MBD1: variants seen among roughly 807,000 people sequenced by gnomAD.
MBD1 encodes the protein methyl-CpG binding domain protein 1, also known as methyl-CpG-binding domain protein 1.
A neutral mutation model predicts 82.6 loss-of-function variants in MBD1; 25 were observed. The ratio of observed to expected loss-of-function variants is 0.30; its 90% CI spans 0.22 to 0.42. MBD1 has a LOEUF of 0.42. Among genes scored for constraint, MBD1 ranks in the 10% least tolerant of loss-of-function variants. MBD1 has a pLI of 1.00. For synonymous variants in MBD1, 301 were observed against 303.7 expected (o/e 0.99, Z 0.09); for missense variants, 627 against 819.6 (o/e 0.76, Z 2.87).
At position 50,275,222 on chromosome 18, in the gene MBD1, T is replaced by A; in HGVS notation, c.816A>T (p.Gly272=). The change falls in exon 9 of 17, where the codon GGA becomes GGT. Residue 272 remains glycine (G), a synonymous_variant. Coordinates refer to ENST00000269468, the MANE Select transcript of MBD1 (RefSeq NM_015846.4). ...TGGCAGCCATCTTGGAGTCACAGCC[T>A]CCCTTGCGGCGGGCATGTTTACCCT... is the stretch of plus-strand genomic sequence containing the variant. The part of the protein sequence containing the change: ...CLRGKHARRK[G]GCDSKMAARR... 6.2e-7 allele frequency: 1 copy of A among 1,614,126 alleles called. No homozygotes were observed. The highest frequency in any genetic ancestry group is 2.2e-5 in the East Asian group (1 of 44,866).
Position 50,275,234 on chromosome 18 carries a change from G to C in MBD1, c.804C>G (p.Ala268=), listed in dbSNP as rs747281494. 6.2e-7 allele frequency: 1 copy of C among 1,614,142 alleles called. No individual in the cohort carries two copies. Among genetic ancestry groups the C allele is most frequent in the Non-Finnish European group, 8.5e-7 (1 of 1,180,002 alleles). The change falls in exon 9 of 17, where the codon GCC becomes GCG. Residue 268 remains alanine (A), a synonymous_variant. Coordinates refer to ENST00000269468, the MANE Select transcript of MBD1 (RefSeq NM_015846.4). The stretch of plus-strand genomic sequence containing the variant: ...TGGAGTCACAGCCTCCCTTGCGGCG[G>C]GCATGTTTACCCTGGGAAAGATCAG... ...VQRRCLRGKH[A]RRKGGCDSKM... is the part of the protein sequence containing the mutation.
At chr18:50,281,092 C>A (rs1334955862) in intron 1 of MBD1, 3 of 1,444,428 alleles carry the variant, frequency 2.1e-6, no homozygotes, top group Non-Finnish European at 2.8e-6. Context: ...TCAGATGCCC[C>A]GATGTCTCCC....
rs1271572155 is a variant in MBD1 at position 50,274,188 on chromosome 18, T to G, written c.1144A>C (p.Met382Leu). Residue 382 changes from methionine (M) to leucine (L), a missense_variant and splice_region_variant, in exon 11 of 17, where the codon ATG (methionine) becomes CTG (leucine). By Grantham distance (15) the Met-to-Leu change is conservative. This residue lies in a region of MBD1 where 12 missense variants were observed against 39.4 expected (regional missense o/e 0.30). Coordinates refer to ENST00000269468, the MANE Select transcript of MBD1 (RefSeq NM_015846.4). ...CRWRQCLQFAMKRLLPSVWSE... is the reference protein window; with the variant it reads ...CRWRQCLQFALKRLLPSVWSE... ...CTGACCCTTCCTGCCCCACCCACCA[T>G]GGCAAACTGCAGGCATTGGCGCCAA... 3.1e-6 allele frequency: 5 copies of G among 1,613,962 alleles called. No homozygotes were observed. Among genetic ancestry groups the G allele is most frequent in the Non-Finnish European group, 4.2e-6 (5 of 1,180,016 alleles).
At chr18:50,270,591 A>G in intron 16 of MBD1, 1 of 334,318 alleles carries the variant, frequency 3.0e-6, no homozygotes, top group South Asian at 2.4e-5. Context: ...CAGGGTAACA[A>G]GCAAAATGGA....
At position 50,268,986 on chromosome 18, in the gene MBD1, T is replaced by C; in HGVS notation, c.*865A>G. The C allele has an allele frequency of 1.0e-6, 1 of 983,622 alleles. No homozygotes were observed. Among genetic ancestry groups the C allele is most frequent in the Non-Finnish European group, 1.2e-6 (1 of 828,218 alleles). 60.9% of individuals were successfully genotyped at this position (983,622 alleles called of 1,614,324 possible). A position where few individuals can be genotyped will look rare whatever the true frequency, so the allele number is the denominator to read the frequency against. ...TCCCAACAATTTTCTGAATTCTATA[T>C]ATTCAGCATTAAATTCCATGATAAA... On this transcript the variant is annotated 3_prime_UTR_variant, in exon 17 of 17. Transcript: ENST00000269468.
Position 50,269,695 on chromosome 18 carries a change from TGAGA to T in MBD1, c.*152_*155del. 1 of 779,316 alleles carries T rather than the reference TGAGA, an allele frequency of 1.3e-6. No homozygotes were observed. The highest frequency in any genetic ancestry group is 2.4e-6 in the Non-Finnish European group (1 of 417,328). 48.3% of individuals were successfully genotyped at this position (779,316 alleles called of 1,614,324 possible). On this transcript the variant is annotated 3_prime_UTR_variant, in exon 17 of 17. Transcript: ENST00000269468. ...CCCACATCATCGAAGCTGGAGGTGG[TGAGA>T]GACTGACATGGGTTCCAGGCCATCC...
chr18:50,271,604 C>A (rs1208780859), intron 15 of MBD1, 64 bp from the exon 16 acceptor site: 4 of 1,556,416 alleles, frequency 2.6e-6, no homozygotes, highest in Non-Finnish European at 3.5e-6. Context: ...TGGAGCATTA[C>A]AAAACCATTT....
In MBD1 at chr18:50,278,343, A is replaced by C. The variant is rs186383360; in HGVS notation, c.111-1139T>G. 6.8e-4 allele frequency among the ~76,000 whole-genome samples: 104 copies of C among 152,338 alleles called. 1 individual carries two copies. The highest frequency in any genetic ancestry group is 3.4e-3 in the Middle Eastern group (1 of 294). Reference sequence around the variant, plus strand: ...TGAAATTGCAGATAAGGGGGAGACTACTGTATTCTGGATCCTGCAACTGTT... The same window carrying C: ...TGAAATTGCAGATAAGGGGGAGACTCCTGTATTCTGGATCCTGCAACTGTT... On this transcript the variant is annotated intron_variant, in intron 2 of 16. Coordinates refer to ENST00000269468, the MANE Select transcript of MBD1 (RefSeq NM_015846.4).
intron 3 of MBD1, 31 bp downstream of exon 3, chr18:50,277,059 C>T (rs1442411376): frequency 2.5e-6 from 4 of 1,613,766 alleles, no homozygotes; most frequent in Non-Finnish European, 1.7e-6. Flanking sequence ...GCACATCCAC[C>T]CCTACCTAGG....
chr18:50,273,253 G>A, intron 13 of MBD1, 81 bp downstream of exon 13: 1 of 1,573,188 alleles, frequency 6.4e-7, no homozygotes, highest in Non-Finnish European at 8.7e-7. Flanking sequence ...CTCTGCTCAA[G>A]AGAACCATCA....
intron 13 of MBD1, 36 bp from the exon 14 acceptor site, chr18:50,272,991 G>A (rs1327430014): frequency 1.2e-6 from 2 of 1,613,500 alleles, no homozygotes. Context: ...CATTAGAAGG[G>A]CAGAGTTCAC....
chr18:50,277,626 T>A (rs1568255230), intron 2 of MBD1, among the ~76,000 whole-genome samples: 1 of 152,016 alleles, frequency 6.6e-6, no homozygotes, highest in Non-Finnish European at 1.5e-5. Context: ...CAAATGCAAC[T>A]ACATACAAAT....
At chr18:50,278,708 T>C (rs926009387) in intron 2 of MBD1, among the ~76,000 whole-genome samples, 1 of 152,254 alleles carries the variant, frequency 6.6e-6, no homozygotes, top group Admixed American at 6.5e-5. Flanking sequence ...TCATTAGTTA[T>C]GGTAGTTACG....
Position 50,275,206 on chromosome 18 carries a change from T to G in MBD1, c.832A>C (p.Met278Leu), listed in dbSNP as rs142689070. 1 of 1,614,018 alleles carries G rather than the reference T, an allele frequency of 6.2e-7. No individual in the cohort carries two copies. Among genetic ancestry groups the G allele is most frequent in the South Asian group, 1.1e-5 (1 of 91,090 alleles). ...GCTCCGGGGCGCCGCCTGGCAGCCATCTTGGAGTCACAGCCTCCCTTGCGG... is the reference window on the plus strand; with the variant it reads ...GCTCCGGGGCGCCGCCTGGCAGCCAGCTTGGAGTCACAGCCTCCCTTGCGG... ...ARRKGGCDSK[M>L]AARRRPGAQP... Residue 278 changes from methionine to leucine, a missense_variant, in exon 9 of 17, where the codon ATG (methionine) becomes CTG (leucine). Physicochemically the swap from Met to Leu is conservative, Grantham distance 15 (BLOSUM62 2). Coordinates refer to ENST00000269468, the MANE Select transcript of MBD1 (RefSeq NM_015846.4).
rs557318748 is a variant in MBD1 at position 50,279,443 on chromosome 18, T to C, written c.110+440A>G. On this transcript the variant is annotated intron_variant, in intron 2 of 16. Coordinates refer to ENST00000269468, the MANE Select transcript of MBD1 (RefSeq NM_015846.4). ...GTTTATCTGCCTTGTATTTTCTCCA[T>C]AAAGCACGACATAGTCTTCTCACAG... Among the ~76,000 whole-genome samples, 3 of 152,330 alleles carry C rather than the reference T, an allele frequency of 2.0e-5. No homozygotes were observed. In the East Asian group the frequency reaches 5.8e-4, roughly 29 times the overall value.
chr18:50,277,026 G>A (rs748577278), intron 3 of MBD1, 28 bp from the exon 4 acceptor site: 10 of 1,614,096 alleles, frequency 6.2e-6, no homozygotes, highest in Non-Finnish European at 8.5e-6. Flanking sequence ...GAGGAATATG[G>A]GTCAGTGGTT....
intron 1 of MBD1, 130 bp from the exon 2 acceptor site, chr18:50,280,147 C>T: frequency 1.3e-6 from 1 of 784,354 alleles, no homozygotes; most frequent in Non-Finnish European, 2.0e-6. Flanking sequence ...AGGCAACCAG[C>T]CCATATATGG....
intron 10 of MBD1, among the ~76,000 whole-genome samples, chr18:50,274,652 A>C (rs974184309): frequency 1.3e-5 from 2 of 152,012 alleles, no homozygotes; most frequent in African/African-American, 4.8e-5. Context: ...TCTGACCCCC[A>C]TTTCCAGCAA....
chr18:50,277,598 G>A (rs1234673917), intron 2 of MBD1, among the ~76,000 whole-genome samples: 1 of 151,618 alleles, frequency 6.6e-6, no homozygotes, highest in East Asian at 1.9e-4. Flanking sequence ...ACACAAATAT[G>A]TTTTAAAAAC....
Sources: allele counts gnomAD v4.1 joint callset (sites outside exome capture counted in the v4.1 genomes callset), GRCh38; gene constraint gnomAD v4.1.1; regional missense constraint gnomAD v4.1.1; transcripts MANE v1.5; gene names NCBI Gene and HGNC (gene_info 2026-07-23, HGNC 2026-07-21).